Variants in TMF1 observed in about 807,000 individuals in gnomAD.
TMF1 encodes TATA element modulatory factor 1, also known as TATA element modulatory factor.
TMF1 carries 71 observed loss-of-function variants against 126.5 expected under a neutral mutation model. The observed-to-expected ratio is 0.56, with a 90% confidence interval of 0.46 to 0.68. The LOEUF (loss-of-function observed/expected upper bound fraction) is 0.68. Ranked by LOEUF, TMF1 falls within the 30% of genes least tolerant of loss-of-function variation. The pLI is 0.00. For synonymous variants in TMF1, 461 were observed against 430.5 expected, an observed-to-expected ratio of 1.07 and a Z score of -0.88; for missense variants, 1,259 against 1,253.2, an observed-to-expected ratio of 1.00 and a Z score of -0.07.
chr3:69,036,564 T>G (rs1474419318), intron 8 of TMF1, among the ~76,000 whole-genome samples: 3 of 152,172 alleles, frequency 2.0e-5, no homozygotes, highest in Non-Finnish European at 1.5e-5. Context: ...ATAGAAACAC[T>G]GAAAAGATAA....
intron 8 of TMF1, chr3:69,035,405 A>G (rs2091826531): frequency 5.8e-6 from 2 of 342,880 alleles, no homozygotes; most frequent in Admixed American, 9.1e-5. Context: ...CAGTGCGTCT[A>G]TAAATATTTG....
chr3:69,028,895 T>C (rs1324321487), intron 11 of TMF1, among the ~76,000 whole-genome samples: 2 of 152,092 alleles, frequency 1.3e-5, no homozygotes, highest in Non-Finnish European at 1.5e-5. Context: ...TGTGGTGTTA[T>C]AGGCCCCTTT....
At chr3:69,046,472 A>AT (rs1020514784) in intron 2 of TMF1, among the ~76,000 whole-genome samples, 3 of 152,206 alleles carry the variant, frequency 2.0e-5, no homozygotes, top group Admixed American at 6.5e-5. Context: ...ATTGCACAGC[A>AT]TTTTGTTTGT....
chr3:69,049,215 A>T (rs1015421863), intron 1 of TMF1, among the ~76,000 whole-genome samples: 8 of 152,180 alleles, frequency 5.3e-5, no homozygotes, highest in African/African-American at 1.7e-4. Context: ...CTACAAAAAA[A>T]TTTTTTTAAT....
chr3:69,037,519 G>C (rs1162089753), intron 8 of TMF1, among the ~76,000 whole-genome samples: 2 of 152,192 alleles, frequency 1.3e-5, no homozygotes, highest in African/African-American at 4.8e-5. Context: ...GTGGGCACCT[G>C]TAATCCCAGC....
chr3:69,027,331 A>G (rs568421862), intron 13 of TMF1, among the ~76,000 whole-genome samples: 1 of 152,164 alleles, frequency 6.6e-6, no homozygotes, highest in African/African-American at 2.4e-5. Context: ...ACCCTCATTA[A>G]CCAGAAAGAA....
chr3:69,038,989 C>G lies in TMF1; in HGVS notation c.1848G>C (p.Glu616Asp). ...TATTTTCTCTATGTTGTTTCTCAACCTCTTCTTTGCCATCAAGGACCTATA... is the reference window on the plus strand; with the variant it reads ...TATTTTCTCTATGTTGTTTCTCAACGTCTTCTTTGCCATCAAGGACCTATA... ...HLKQVLDGKE[E>D]VEKQHRENIK... The change falls in exon 7 of 17, where the codon GAG (glutamate) becomes GAC (aspartate). Residue 616 changes from glutamate (E) to aspartate (D), a missense_variant. Glu to Asp is a conservative substitution (Grantham distance 45). Transcript: ENST00000398559. 1 of 1,595,858 alleles carries G rather than the reference C, an allele frequency of 6.3e-7. No homozygotes were observed. Among genetic ancestry groups the G allele is most frequent in the Non-Finnish European group, 8.5e-7 (1 of 1,172,824 alleles).
chr3:69,051,969 C>A lies in TMF1; in HGVS notation c.118G>T (p.Glu40Ter). 6.2e-7 allele frequency: 1 copy of A among 1,613,948 alleles called. No individual in the cohort carries two copies. Among genetic ancestry groups the A allele is most frequent in the South Asian group, 1.1e-5 (1 of 91,050 alleles). The change falls in exon 1 of 17, where the codon GAG becomes TAG. Residue 40 changes from glutamate to a stop codon, truncating the protein, a stop_gained. Transcript: ENST00000398559. LOFTEE classifies it high-confidence loss of function. ...CCCGGCTCTCCATACGGAATGGTCTCGGCCCAGATGCTCGGCTCCTCTTCC... is the reference window on the plus strand; with the variant it reads ...CCCGGCTCTCCATACGGAATGGTCTAGGCCCAGATGCTCGGCTCCTCTTCC... ...IQEEEPSIWA[E>*]TIPYGEPGIS...
At chr3:69,051,365 C>G (rs571874838) in intron 1 of TMF1, among the ~76,000 whole-genome samples, 3 of 152,208 alleles carry the variant, frequency 2.0e-5, no homozygotes, top group African/African-American at 7.2e-5. Flanking sequence ...ATCCCAGCTA[C>G]TAGGGAGGCT....
At position 69,029,866 on chromosome 3, in the gene TMF1, T is replaced by C; in HGVS notation, c.2543A>G (p.Gln848Arg). The C allele has an allele frequency of 6.2e-7, 1 of 1,614,072 alleles. No homozygotes were observed. Among genetic ancestry groups the C allele is most frequent in the Non-Finnish European group, 8.5e-7 (1 of 1,179,954 alleles). The change falls in exon 11 of 17, where the codon CAG (glutamine) becomes CGG (arginine). Residue 848 changes from glutamine to arginine, a missense_variant. By Grantham distance (43) the Gln-to-Arg change is conservative. Transcript: ENST00000398559. The stretch of plus-strand genomic sequence containing the variant: ...CAGCCTATTTTTCTCTGATTCTAGC[T>C]GGGCTTGAAATCTACTGTTTTCCTG... ...LRQENSRFQA[Q>R]LESEKNRLCK... is the part of the protein sequence containing the mutation.
Position 69,019,927 on chromosome 3 carries a change from A to G in TMF1, c.*3250T>C, listed in dbSNP as rs1575804214. On this transcript the variant is annotated 3_prime_UTR_variant, in exon 17 of 17. Coordinates refer to ENST00000398559, the MANE Select transcript of TMF1 (RefSeq NM_007114.3). ...AATCTGTAGTTTAAATCATACTTTCAGCCCTTTACAAAATATGTGATTAAA... is the reference window on the plus strand; with the variant it reads ...AATCTGTAGTTTAAATCATACTTTCGGCCCTTTACAAAATATGTGATTAAA... 1 of 152,146 alleles carries G rather than the reference A, an allele frequency of 6.6e-6. No homozygotes were observed. The highest frequency in any genetic ancestry group is 1.9e-4 in the East Asian group (1 of 5,200). 9.4% of individuals were successfully genotyped at this position (152,146 alleles called of 1,614,324 possible). A position where few individuals can be genotyped will look rare whatever the true frequency, so the allele number is the denominator to read the frequency against.
At chr3:69,026,623 AAAC>A (rs2091768890) in intron 13 of TMF1, among the ~76,000 whole-genome samples, 3 of 151,678 alleles carry the variant, frequency 2.0e-5, no homozygotes, top group South Asian at 4.1e-4. Context: ...TCAGTCTCCA[AAAC>A]AAACAAACAA....
chr3:69,041,238 A>G (rs1268727468), intron 5 of TMF1, among the ~76,000 whole-genome samples: 1 of 152,236 alleles, frequency 6.6e-6, no homozygotes, highest in Admixed American at 6.5e-5. Context: ...GAAAATAATT[A>G]TAACAACAGT....
intron 2 of TMF1, among the ~76,000 whole-genome samples, chr3:69,045,738 C>T (rs1309070854): frequency 1.3e-5 from 2 of 152,006 alleles, no homozygotes; most frequent in African/African-American, 2.4e-5. Context: ...CAGGGCAAGA[C>T]TCCGCCTCAA....
In TMF1 at chr3:69,022,891, T is replaced by A. The variant is rs1303234865; in HGVS notation, c.*286A>T. Reference sequence around the variant, plus strand: ...CACCATTCTTCTTCTCTAGCCATATTTATATGAGGATAAAGTAATAAATCT... The same window carrying A: ...CACCATTCTTCTTCTCTAGCCATATATATATGAGGATAAAGTAATAAATCT... On this transcript the variant is annotated 3_prime_UTR_variant, in exon 17 of 17. Transcript: ENST00000398559. 1 of 231,756 alleles carries A rather than the reference T, an allele frequency of 4.3e-6. No individual in the cohort carries two copies. The highest frequency in any genetic ancestry group is 5.4e-5 in the Admixed American group (1 of 18,652). 14.4% of individuals were successfully genotyped at this position (231,756 alleles called of 1,614,324 possible).
rs2107451617 is a variant in TMF1, at chr3:69,022,739, A to T, written c.*438T>A. ...ATGAGCAGTAATTAAGATATGTTGA[A>T]ATTTTAAATGTGAAAGATTTCAAAG... is the stretch of plus-strand genomic sequence containing the variant. On this transcript the variant is annotated 3_prime_UTR_variant, in exon 17 of 17. Transcript: ENST00000398559. 1 of 152,670 alleles carries T rather than the reference A, an allele frequency of 6.6e-6. No homozygotes were observed. The highest frequency in any genetic ancestry group is 1.9e-4 in the East Asian group (1 of 5,186). The allele number at this position is 152,670 out of a possible 1,614,324, so 9.5% of individuals were successfully genotyped here. A position where few individuals can be genotyped will look rare whatever the true frequency, so the allele number is the denominator to read the frequency against.
chr3:69,051,773 A>G (rs1374928982), intron 1 of TMF1, among the ~76,000 whole-genome samples, 172 bp downstream of exon 1: 2 of 152,138 alleles, frequency 1.3e-5, no homozygotes, highest in East Asian at 1.9e-4. Context: ...CCTCAGGAAA[A>G]CAGCAAAGAC....
intron 6 of TMF1, 132 bp from the exon 7 acceptor site, chr3:69,039,141 G>T (rs2091849635): frequency 1.1e-6 from 1 of 883,364 alleles, no homozygotes; most frequent in Non-Finnish European, 1.6e-6. Flanking sequence ...CTATTGCCCA[G>T]GGTGGAATGT....
Position 69,021,071 on chromosome 3 carries a change from G to A in TMF1, c.*2106C>T, listed in dbSNP as rs995705553. 2 of 152,196 alleles carry A rather than the reference G, an allele frequency of 1.3e-5. No individual in the cohort carries two copies. Among genetic ancestry groups the A allele is most frequent in the African/African-American group, 4.8e-5 (2 of 41,460 alleles). 9.4% of individuals were successfully genotyped at this position (152,196 alleles called of 1,614,324 possible). A position where few individuals can be genotyped will look rare whatever the true frequency, so the allele number is the denominator to read the frequency against. On this transcript the variant is annotated 3_prime_UTR_variant, in exon 17 of 17. Coordinates refer to ENST00000398559, the MANE Select transcript of TMF1 (RefSeq NM_007114.3). Reference sequence around the variant, plus strand: ...GGTTACTCACGGTCAACCACAGTCTGATTACAGGTGAGTACAGTACAATAA... The same window carrying A: ...GGTTACTCACGGTCAACCACAGTCTAATTACAGGTGAGTACAGTACAATAA...
Sources: allele counts gnomAD v4.1 joint callset (sites outside exome capture counted in the v4.1 genomes callset), GRCh38; gene constraint gnomAD v4.1.1; transcripts MANE v1.5; gene names NCBI Gene and HGNC (gene_info 2026-07-23, HGNC 2026-07-21).